The following DAPK1 variants were observed in gnomAD, a reference collection of about 807,000 sequenced individuals.
The protein encoded by DAPK1 is death-associated protein kinase 1.
Under a neutral mutation model 144.9 loss-of-function variants are expected in DAPK1, and 56 were observed. The ratio of observed to expected loss-of-function variants is 0.39; its 90% CI spans 0.31 to 0.48. DAPK1 has a LOEUF of 0.48. DAPK1 is among the 20% of genes least tolerant of loss of function. The pLI is 0.95. For synonymous variants in DAPK1, 690 were observed against 749.0 expected (o/e 0.92, Z 1.29); for missense variants, 1,454 against 1,875.4 (o/e 0.78, Z 4.15).
intron 2 of DAPK1, among the ~76,000 whole-genome samples, chr9:87,560,193 G>A (rs972977517): frequency 1.3e-5 from 2 of 151,234 alleles, no homozygotes; most frequent in Non-Finnish European, 2.9e-5. Context: ...ACGGGGTTTC[G>A]CCATGTTGAC....
chr9:87,639,762 T>A, intron 6 of DAPK1, 27 bp from the exon 7 acceptor site: 2 of 1,613,538 alleles, frequency 1.2e-6, no homozygotes, highest in Non-Finnish European at 1.7e-6. Context: ...CTGACATGTT[T>A]TTTTGTTTGT....
At chr9:87,613,517 G>A (rs1003980832) in intron 3 of DAPK1, among the ~76,000 whole-genome samples, 1 of 152,212 alleles carries the variant, frequency 6.6e-6, no homozygotes, top group Admixed American at 6.5e-5. Flanking sequence ...TAACCAAACT[G>A]AGATGCAAAA....
chr9:87,610,089 C>T (rs1430824814), intron 3 of DAPK1, among the ~76,000 whole-genome samples: 1 of 152,298 alleles, frequency 6.6e-6, no homozygotes, highest in South Asian at 2.1e-4. Flanking sequence ...GTGCAGTTGT[C>T]AAATCCCAGT....
rs117337468 is a variant in DAPK1, at chr9:87,500,555, A to G, written c.62+1416A>G. 5.4e-3 allele frequency among the ~76,000 whole-genome samples: 828 copies of G among 152,282 alleles called. 7 individuals carry two copies. The highest frequency in any genetic ancestry group is 0.01 in the Non-Finnish European group (681 of 67,988). ...GCCTGATCGTTTAAGTGTTGTTAGAAAGAGAGATGACTAAAATTAGTTGAG... is the reference window on the plus strand; with the variant it reads ...GCCTGATCGTTTAAGTGTTGTTAGAGAGAGAGATGACTAAAATTAGTTGAG... On this transcript the variant is annotated intron_variant, in intron 2 of 25. Transcript: ENST00000408954.
rs56368238 is a variant in DAPK1 at position 87,563,170 on chromosome 9, G to A, written c.63-41784G>A. 9.3e-3 allele frequency among the ~76,000 whole-genome samples: 1,422 copies of A among 152,168 alleles called. 21 individuals carry two copies. Among genetic ancestry groups the A allele is most frequent in the African/African-American group, 0.033 (1,358 of 41,514 alleles). ...TTGTTCTTTATTAACTGTACCTTCC[G>A]GCATTCTTTCCTGGTAAACTCCAAT... On this transcript the variant is annotated intron_variant, in intron 2 of 25. Transcript: ENST00000408954.
intron 2 of DAPK1, among the ~76,000 whole-genome samples, chr9:87,596,169 G>C (rs1287570975): frequency 1.3e-5 from 2 of 152,124 alleles, no homozygotes; most frequent in African/African-American, 4.8e-5. Flanking sequence ...TGAAATCCGT[G>C]AACATGTTGG....
chr9:87,590,466 A>T (rs74691160), intron 2 of DAPK1, among the ~76,000 whole-genome samples: 3,105 of 151,882 alleles, frequency 0.02, 101 homozygotes, highest in African/African-American at 0.071. Flanking sequence ...TTCAACTCTG[A>T]TCAGCCATTT....
rs976920057 is a variant in DAPK1 at position 87,706,797 on chromosome 9, G to A, written c.3726G>A (p.Leu1242=). ...AGCATTACCTGAGCCCCCAGCAGCTGCGGGAGCACCATGAGCCCGTCATGA... is the reference window on the plus strand; with the variant it reads ...AGCATTACCTGAGCCCCCAGCAGCTACGGGAGCACCATGAGCCCGTCATGA... ...TVKHYLSPQQ[L]REHHEPVMIY... is the part of the protein sequence containing the mutation. The change falls in exon 26 of 26, where the codon CTG becomes CTA. Residue 1242 remains leucine (L), a synonymous_variant. Coordinates refer to ENST00000408954, the MANE Select transcript of DAPK1 (RefSeq NM_004938.4). This position sits in a 1 kb window ranked among gnomAD's most constrained non-coding sequence, Gnocchi z 9.0. The A allele has an allele frequency of 1.7e-5, 27 of 1,613,428 alleles. No individual in the cohort carries two copies. Among genetic ancestry groups the A allele is most frequent in the Non-Finnish European group, 2.1e-5 (25 of 1,179,892 alleles).
chr9:87,536,835 T>C (rs909559194), intron 2 of DAPK1, among the ~76,000 whole-genome samples: 3 of 152,236 alleles, frequency 2.0e-5, no homozygotes, highest in African/African-American at 7.2e-5. Flanking sequence ...ATAAATTTAT[T>C]CAAAATTCAA....
intron 3 of DAPK1, chr9:87,632,087 T>C (rs1339320882): frequency 1.4e-6 from 1 of 711,584 alleles, no homozygotes; most frequent in East Asian, 1.3e-4. Context: ...TTAGTATATA[T>C]GTAGAAATAT....
At chr9:87,513,498 C>G (rs1000361340) in intron 2 of DAPK1, among the ~76,000 whole-genome samples, 3 of 152,110 alleles carry the variant, frequency 2.0e-5, no homozygotes, top group African/African-American at 7.2e-5. Flanking sequence ...CCCTTGCCTT[C>G]CTTGGAGAAA....
chr9:87,520,371 A>G (rs1587682489), intron 2 of DAPK1, among the ~76,000 whole-genome samples: 1 of 152,158 alleles, frequency 6.6e-6, no homozygotes, highest in African/African-American at 2.4e-5. Flanking sequence ...GAGGCTGTGA[A>G]AGGACCTTGG....
chr9:87,596,751 C>T (rs961276093), intron 2 of DAPK1, among the ~76,000 whole-genome samples: 1 of 152,228 alleles, frequency 6.6e-6, no homozygotes, highest in African/African-American at 2.4e-5. Flanking sequence ...GTTAAACCCA[C>T]CATCCCAGAT....
intron 2 of DAPK1, among the ~76,000 whole-genome samples, chr9:87,524,786 A>G (rs988183754): frequency 1.3e-5 from 2 of 152,254 alleles, no homozygotes; most frequent in Non-Finnish European, 2.9e-5. Context: ...AAGTAACTCA[A>G]GAATGGAAAA....
intron 2 of DAPK1, among the ~76,000 whole-genome samples, chr9:87,599,554 T>C (rs1414566452): frequency 6.6e-6 from 1 of 152,210 alleles, no homozygotes; most frequent in Non-Finnish European, 1.5e-5. Context: ...AAAGGAAGAA[T>C]GTGTCTCATT....
intron 3 of DAPK1, among the ~76,000 whole-genome samples, chr9:87,635,339 G>A (rs1054091813): frequency 2.0e-5 from 3 of 152,070 alleles, no homozygotes; most frequent in Non-Finnish European, 2.9e-5. Context: ...AACTCCTGAC[G>A]TTTCTCATTG....
At chr9:87,700,742 C>A (rs36219445) in intron 24 of DAPK1, among the ~76,000 whole-genome samples, 1 of 152,058 alleles carries the variant, frequency 6.6e-6, no homozygotes, top group Non-Finnish European at 1.5e-5. Flanking sequence ...CTCAGGTGCT[C>A]CTCCCACCTC....
At chr9:87,596,176 T>C (rs1405635840) in intron 2 of DAPK1, among the ~76,000 whole-genome samples, 2 of 152,062 alleles carry the variant, frequency 1.3e-5, no homozygotes, top group African/African-American at 4.8e-5. Context: ...CGTGAACATG[T>C]TGGGGTTAGG....
chr9:87,498,177 C>T, intron 1 of DAPK1, 70 bp downstream of exon 1: 2 of 396,884 alleles, frequency 5.0e-6, no homozygotes, highest in Non-Finnish European at 8.9e-6. Flanking sequence ...CCAGCCAGGG[C>T]GCGGTGGGGT....
Sources: gnomAD v4.1 joint callset for allele counts (sites outside exome capture counted in the v4.1 genomes callset) on GRCh38, gnomAD v4.1.1 for gene constraint, Gnocchi (gnomAD v3.1) non-coding constraint, MANE v1.5 for transcripts, NCBI Gene and HGNC (gene_info 2026-07-23, HGNC 2026-07-21) for gene names.